ZNF503: variants seen among roughly 807,000 people sequenced by gnomAD.
The protein encoded by ZNF503 is NocA-like zinc finger 2.
ZNF503 carries 15 observed loss-of-function variants against 34.4 expected under a neutral mutation model. That is an observed-to-expected ratio of 0.44 (90% CI 0.29 to 0.67). The LOEUF is 0.67. Ranked by LOEUF, ZNF503 falls within the 30% of genes least tolerant of loss-of-function variation. The probability of loss-of-function intolerance (pLI) is 0.13; values close to 1 mark genes in which losing one functional copy is unlikely to be tolerated. For synonymous variants in ZNF503, 580 were observed against 456.8 expected, an observed-to-expected ratio of 1.27 and a Z score of -3.44; for missense variants, 1,007 against 926.8, an observed-to-expected ratio of 1.09 and a Z score of -1.12.
the ZNF503 span, among the ~76,000 whole-genome samples, chr10:75,390,441 C>T: frequency 6.6e-6 from 1 of 151,102 alleles, no homozygotes; most frequent in African/African-American, 2.4e-5. Context: ...CCTCCTCCCC[C>T]TCCCCCTCTT....
the ZNF503 span, among the ~76,000 whole-genome samples, chr10:75,359,995 C>T: frequency 1.3e-5 from 2 of 151,968 alleles, no homozygotes; most frequent in South Asian, 4.2e-4. Flanking sequence ...TTACCCAGGC[C>T]CAAGAGACTC....
the ZNF503 span, among the ~76,000 whole-genome samples, chr10:75,365,914 G>A: frequency 6.6e-6 from 1 of 152,188 alleles, no homozygotes; most frequent in Non-Finnish European, 1.5e-5. Context: ...GGAACATAAG[G>A]GAGGAATCAG....
the ZNF503 span, among the ~76,000 whole-genome samples, chr10:75,313,952 C>A: frequency 6.6e-6 from 1 of 152,188 alleles, no homozygotes. Context: ...GAAGTCATTT[C>A]TCTCCCAAAG....
downstream of ZNF503, among the ~76,000 whole-genome samples, chr10:75,396,775 C>G (rs969286841): frequency 2.0e-5 from 3 of 152,196 alleles, no homozygotes; most frequent in Admixed American, 6.5e-5. This position sits in a 1 kb window ranked among gnomAD's most constrained non-coding sequence, Gnocchi z 4.4. Context: ...TCCCAACTAG[C>G]CGGAGGACCT....
At chr10:75,369,505 C>T in the ZNF503 span, among the ~76,000 whole-genome samples, 12 of 152,174 alleles carry the variant, frequency 7.9e-5, no homozygotes, top group Admixed American at 1.3e-4. Context: ...TGAAGAAGGA[C>T]ATGTTTTCTT....
chr10:75,390,371 CCCTCCTCTT>C, the ZNF503 span, among the ~76,000 whole-genome samples: 70 of 151,218 alleles, frequency 4.6e-4, no homozygotes, highest in Non-Finnish European at 7.2e-4. Flanking sequence ...TGTTCTTCCT[CCCTCCTCTT>C]CCTCCTCTTC....
At chr10:75,367,437 G>C in the ZNF503 span, among the ~76,000 whole-genome samples, 2 of 152,212 alleles carry the variant, frequency 1.3e-5, no homozygotes, top group South Asian at 2.1e-4. Flanking sequence ...CAGAGGTTTG[G>C]TGGCGTTTGT....
At chr10:75,333,012 T>C in the ZNF503 span, among the ~76,000 whole-genome samples, 1 of 146,028 alleles carries the variant, frequency 6.8e-6, no homozygotes, top group Non-Finnish European at 1.5e-5. Flanking sequence ...GACGGGGTGG[T>C]GGCCGGGCAG....
the ZNF503 span, among the ~76,000 whole-genome samples, chr10:75,347,696 A>G: frequency 6.6e-6 from 1 of 152,272 alleles, no homozygotes; most frequent in African/African-American, 2.4e-5. Context: ...ATGGTTTATG[A>G]TGATGATTAT....
chr10:75,319,443 G>A, the ZNF503 span, among the ~76,000 whole-genome samples: 4 of 152,120 alleles, frequency 2.6e-5, no homozygotes, highest in African/African-American at 9.7e-5. Flanking sequence ...ACTGTAGCAA[G>A]TTATGTATAT....
the ZNF503 span, chr10:75,361,561 T>G: frequency 4.6e-5 from 7 of 152,222 alleles, no homozygotes; most frequent in African/African-American, 1.7e-4. Flanking sequence ...ATCAGGATTC[T>G]TCTCTGATAG....
chr10:75,396,194 C>G (rs1158240988), downstream of ZNF503, among the ~76,000 whole-genome samples: 2 of 152,174 alleles, frequency 1.3e-5, no homozygotes, highest in Non-Finnish European at 2.9e-5. This position sits in a 1 kb window ranked among gnomAD's most constrained non-coding sequence, Gnocchi z 4.4. Context: ...GCCCGCCGGC[C>G]AGGATTCTCA....
At chr10:75,396,810 T>A (rs576895304), downstream of ZNF503, among the ~76,000 whole-genome samples, 1 of 152,204 alleles carries the variant, frequency 6.6e-6, no homozygotes, top group Non-Finnish European at 1.5e-5. This position sits in a 1 kb window ranked among gnomAD's most constrained non-coding sequence, Gnocchi z 4.4. Flanking sequence ...GCCTGGAGCG[T>A]CTGGGAGGGG....
downstream of ZNF503, among the ~76,000 whole-genome samples, chr10:75,396,938 G>A (rs897788871): frequency 1.3e-5 from 2 of 152,200 alleles, no homozygotes; most frequent in African/African-American, 4.8e-5. The surrounding 1 kb of genome is among the most constrained non-coding windows in gnomAD (Gnocchi z 4.4). Context: ...ACAGCGGCCC[G>A]CGCCACAGGG....
At position 75,400,393 on chromosome 10, in the gene ZNF503, G is replaced by A. The variant is rs555011815; in HGVS notation, c.316-19C>T. 429 of 1,562,620 alleles carry A rather than the reference G, an allele frequency of 2.7e-4. 2 individuals carry two copies. The Middle Eastern group carries it at 5.6e-3, about 20-fold the overall frequency. On this transcript the variant is annotated intron_variant, in intron 1 of 1. Coordinates refer to ENST00000372524, the MANE Select transcript of ZNF503 (RefSeq NM_032772.6). ...CATCGAGCTGCGGGGTCAGACGATG[G>A]GGGGGGAGCGTCACACAGAGAAAGA...
chr10:75,291,006 G>A, the ZNF503 span, among the ~76,000 whole-genome samples: 1 of 152,168 alleles, frequency 6.6e-6, no homozygotes, highest in African/African-American at 2.4e-5. Context: ...CATTGTCTCT[G>A]ATTTTGCCTC....
the ZNF503 span, among the ~76,000 whole-genome samples, chr10:75,387,591 T>C: frequency 6.6e-6 from 1 of 152,192 alleles, no homozygotes; most frequent in East Asian, 1.9e-4. Context: ...TCAGGGCAGG[T>C]TTCACACTAG....
the ZNF503 span, among the ~76,000 whole-genome samples, chr10:75,379,145 C>T: frequency 6.6e-6 from 1 of 152,070 alleles, no homozygotes; most frequent in Non-Finnish European, 1.5e-5. Flanking sequence ...TGGTGCCTCA[C>T]CTTAAATGCA....
chr10:75,328,746 CT>C, the ZNF503 span, among the ~76,000 whole-genome samples: 199 of 130,766 alleles, frequency 1.5e-3, no homozygotes, highest in African/African-American at 2.0e-3. Context: ...AATGTCTTTT[CT>C]TTTTTTTTTT....
Sources: gnomAD v4.1 joint callset for allele counts (sites outside exome capture counted in the v4.1 genomes callset) on GRCh38, gnomAD v4.1.1 for gene constraint, Gnocchi (gnomAD v3.1) non-coding constraint, MANE v1.5 for transcripts, NCBI Gene and HGNC (gene_info 2026-07-23, HGNC 2026-07-21) for gene names.